The following SPIDR variants were observed in gnomAD, a reference collection of about 807,000 sequenced individuals.
The protein encoded by SPIDR is DNA repair-scaffolding protein.
A neutral mutation model predicts 104.6 loss-of-function variants in SPIDR; 93 were observed. That is an observed-to-expected ratio of 0.89 (90% CI 0.75 to 1.06). SPIDR has a LOEUF of 1.06. Ranked by LOEUF, SPIDR falls within the 50% of genes least tolerant of loss-of-function variation. The probability of loss-of-function intolerance (pLI) is 0.00; values close to 1 mark genes in which losing one functional copy is unlikely to be tolerated. For missense variants in SPIDR, 1,154 were observed against 1,111.2 expected (o/e 1.04, Z -0.55); for synonymous variants, 431 against 416.9 (o/e 1.03, Z -0.41).
intron 19 of SPIDR, among the ~76,000 whole-genome samples, chr8:47,734,337 G>A (rs2085807381): frequency 6.6e-6 from 1 of 152,248 alleles, no homozygotes; most frequent in Middle Eastern, 3.4e-3. Context: ...AGACACTGAG[G>A]CCAGCTCAAA....
chr8:47,322,597 C>A (rs138272142), intron 5 of SPIDR, among the ~76,000 whole-genome samples: 3 of 152,108 alleles, frequency 2.0e-5, no homozygotes, highest in African/African-American at 7.2e-5. Context: ...GGTATATACC[C>A]AAAGGATTAT....
At chr8:47,324,117 T>C (rs2047256915) in intron 5 of SPIDR, among the ~76,000 whole-genome samples, 2 of 152,162 alleles carry the variant, frequency 1.3e-5, no homozygotes. Context: ...AAATTTCTTA[T>C]GAAATTAAGT....
intron 5 of SPIDR, among the ~76,000 whole-genome samples, chr8:47,298,610 C>T (rs2154244512): frequency 6.6e-6 from 1 of 152,146 alleles, no homozygotes; most frequent in Non-Finnish European, 1.5e-5. Flanking sequence ...GTCTTTAATC[C>T]ATCTTGAATT....
rs58374380 is a variant in SPIDR, at chr8:47,330,969, C to G, written c.525+36939C>G. 2,380 of 335,452 alleles carry G rather than the reference C, an allele frequency of 7.1e-3. 68 individuals carry two copies. Among genetic ancestry groups the G allele is most frequent in the African/African-American group, 0.046 (2,172 of 46,768 alleles). The allele number at this position is 335,452 out of a possible 1,614,324, so 20.8% of individuals were successfully genotyped here. A position where few individuals can be genotyped will look rare whatever the true frequency, so the allele number is the denominator to read the frequency against. ...GTGGCTGTAACATTTTGCATTCCCA[C>G]CAGCAAAAGAGTTCCTGTTGCTCCA... On this transcript the variant is annotated intron_variant, in intron 5 of 19. Coordinates refer to ENST00000297423, the MANE Select transcript of SPIDR (RefSeq NM_001080394.4).
chr8:47,320,247 A>G (rs2046289513), intron 5 of SPIDR, among the ~76,000 whole-genome samples: 1 of 152,186 alleles, frequency 6.6e-6, no homozygotes, highest in African/African-American at 2.4e-5. Flanking sequence ...TAGATGCAAT[A>G]AAAAATGATA....
intron 10 of SPIDR, among the ~76,000 whole-genome samples, chr8:47,661,850 G>C (rs761062689): frequency 6.6e-6 from 1 of 152,232 alleles, no homozygotes; most frequent in Admixed American, 6.5e-5. Flanking sequence ...GTGCCTTGTC[G>C]ATAGTGGCAG....
At chr8:47,703,727 A>G (rs1423813545) in intron 14 of SPIDR, among the ~76,000 whole-genome samples, 1 of 152,254 alleles carries the variant, frequency 6.6e-6, no homozygotes, top group Non-Finnish European at 1.5e-5. Flanking sequence ...CTTAGCTTAC[A>G]GGCCTAGCCC....
intron 5 of SPIDR, among the ~76,000 whole-genome samples, chr8:47,349,924 C>T (rs1314820753): frequency 6.6e-6 from 1 of 152,230 alleles, no homozygotes; most frequent in Non-Finnish European, 1.5e-5. Flanking sequence ...TTTGTGCTTC[C>T]TGGGTGAGGC....
intron 14 of SPIDR, among the ~76,000 whole-genome samples, chr8:47,702,866 G>A (rs943091707): frequency 2.6e-5 from 4 of 152,172 alleles, no homozygotes; most frequent in Admixed American, 6.5e-5. Flanking sequence ...TGGGCTGTCG[G>A]TGGATCACCA....
intron 1 of SPIDR, among the ~76,000 whole-genome samples, chr8:47,273,558 A>T (rs1454764952): frequency 6.6e-6 from 1 of 151,116 alleles, no homozygotes; most frequent in Non-Finnish European, 1.5e-5. Context: ...TGAGAAGCTC[A>T]TCGAATCTTG....
intron 5 of SPIDR, among the ~76,000 whole-genome samples, chr8:47,385,242 T>C (rs573765694): frequency 1.8e-4 from 28 of 152,294 alleles, no homozygotes; most frequent in South Asian, 1.7e-3. Context: ...CTGTATTTTT[T>C]TGTTTTTCTC....
intron 8 of SPIDR, among the ~76,000 whole-genome samples, chr8:47,453,304 T>G (rs2072251667): frequency 6.6e-6 from 1 of 152,146 alleles, no homozygotes; most frequent in Non-Finnish European, 1.5e-5. Flanking sequence ...GGGTAATTTA[T>G]GGATTTAATG....
chr8:47,417,807 GT>G (rs2064634098), intron 7 of SPIDR, among the ~76,000 whole-genome samples: 1 of 152,134 alleles, frequency 6.6e-6, no homozygotes, highest in African/African-American at 2.4e-5. Context: ...TGTATAAGGT[GT>G]AAGGAAGGGA....
intron 8 of SPIDR, among the ~76,000 whole-genome samples, chr8:47,549,223 T>A (rs1414445963): frequency 6.6e-6 from 1 of 152,224 alleles, no homozygotes; most frequent in African/African-American, 2.4e-5. Flanking sequence ...ATTGCTGCAA[T>A]AAACATATGT....
At chr8:47,617,799 A>G (rs2064542210) in intron 10 of SPIDR, among the ~76,000 whole-genome samples, 1 of 152,190 alleles carries the variant, frequency 6.6e-6, no homozygotes, top group South Asian at 2.1e-4. Context: ...GATATGAGCT[A>G]ATGTTTCCAA....
chr8:47,592,461 C>T, intron 8 of SPIDR: 2 of 1,437,658 alleles, frequency 1.4e-6, no homozygotes, highest in Non-Finnish European at 2.0e-6. Context: ...AAGTCCCTCC[C>T]TCAAAGGGGG....
intron 11 of SPIDR, among the ~76,000 whole-genome samples, chr8:47,682,269 AAAAAAAC>A (rs935396700): frequency 4.0e-5 from 6 of 150,862 alleles, no homozygotes; most frequent in East Asian, 1.9e-4. Flanking sequence ...AAAAAAAAAA[AAAAAAAC>A]CCAGACACAA....
intron 8 of SPIDR, among the ~76,000 whole-genome samples, chr8:47,541,400 T>C (rs1445692395): frequency 1.3e-5 from 2 of 152,140 alleles, no homozygotes; most frequent in Non-Finnish European, 2.9e-5. Context: ...TATCTTCCCA[T>C]GGGAAGGGAA....
intron 6 of SPIDR, among the ~76,000 whole-genome samples, chr8:47,403,891 A>G (rs1554665424): frequency 6.6e-6 from 1 of 152,228 alleles, no homozygotes; most frequent in Non-Finnish European, 1.5e-5. Context: ...CCGCATTGCC[A>G]AGACAATCCT....
Sources: gnomAD v4.1 joint callset for allele counts (sites outside exome capture counted in the v4.1 genomes callset) on GRCh38, gnomAD v4.1.1 for gene constraint, MANE v1.5 for transcripts, NCBI Gene and HGNC (gene_info 2026-07-23, HGNC 2026-07-21) for gene names.